MCOLN1: variants seen among roughly 807,000 people sequenced by gnomAD.
MCOLN1 encodes mucolipin TRP cation channel 1.
A neutral mutation model predicts 70.3 loss-of-function variants in MCOLN1; 50 were observed. The observed-to-expected ratio is 0.71, with a 90% CI of 0.57 to 0.90. The LOEUF (loss-of-function observed/expected upper bound fraction) is 0.90. Ranked by LOEUF, MCOLN1 falls within the 40% of genes least tolerant of loss-of-function variation. The probability of loss-of-function intolerance (pLI) is 0.00; values close to 1 mark genes in which losing one functional copy is unlikely to be tolerated. For synonymous variants in MCOLN1, 366 were observed against 341.0 expected (o/e 1.07, Z -0.81); for missense variants, 598 against 803.5 (o/e 0.74, Z 3.09).
In MCOLN1 at chr19:7,526,913, G is replaced by A. The variant is rs773903184; in HGVS notation, c.558G>A (p.Pro186=). The change falls in exon 4 of 14, where the codon CCG becomes CCA. Residue 186 remains proline (P), a synonymous_variant. Coordinates refer to ENST00000264079, the MANE Select transcript of MCOLN1 (RefSeq NM_020533.3). This position sits in a 1 kb window ranked among gnomAD's most constrained non-coding sequence, Gnocchi z 4.6. ...DPANDTFDID[P]MVVTDCIQVD... ...CCAACGACACATTTGACATTGATCC[G>A]ATGGTGGTTACTGGTGAGTGGGCAG... is the stretch of plus-strand genomic sequence containing the variant. The A allele has an allele frequency of 5.0e-6, 8 of 1,613,980 alleles. No individual in the cohort carries two copies. Among genetic ancestry groups the A allele is most frequent in the Non-Finnish European group, 6.8e-6 (8 of 1,180,030 alleles).
At chr19:7,529,315 C>T (rs898033803) in intron 10 of MCOLN1, 113 bp downstream of exon 10, 24 of 1,016,532 alleles carry the variant, frequency 2.4e-5, no homozygotes, top group East Asian at 2.2e-4. Flanking sequence ...TGCAAGCCTC[C>T]TCCTCCTACC....
At chr19:7,532,482 G>T (rs1424726717) in intron 12 of MCOLN1, among the ~76,000 whole-genome samples, 3 of 151,948 alleles carry the variant, frequency 2.0e-5, no homozygotes, top group African/African-American at 7.3e-5. Context: ...CCGAGGGGGG[G>T]TGGGGGTGGA....
At position 7,528,303 on chromosome 19, in the gene MCOLN1, T is replaced by G; in HGVS notation, c.877+46T>G. 1 of 1,548,164 alleles carries G rather than the reference T, an allele frequency of 6.5e-7. No homozygotes were observed. The highest frequency in any genetic ancestry group is 8.9e-7 in the Non-Finnish European group (1 of 1,120,926). On this transcript the variant is annotated intron_variant, in intron 7 of 13. Transcript: ENST00000264079. The surrounding 1 kb of genome is among the most constrained non-coding windows in gnomAD (Gnocchi z 4.2). ...CCAGCACTGACCAGGGGCCCTGGCC[T>G]GTCCTGGGATTCCCCAAGCCCCAGA...
rs1004146951 is a variant in MCOLN1, at chr19:7,528,530, G to A, written c.878-67G>A. On this transcript the variant is annotated intron_variant, in intron 7 of 13. Transcript: ENST00000264079. This position sits in a 1 kb window ranked among gnomAD's most constrained non-coding sequence, Gnocchi z 4.2. ...GCCCCCTAGGTCTCCAGCCTGGCCT[G>A]GCACCAATGCTAGCCTCCCAAGGCT... 1 of 1,603,214 alleles carries A rather than the reference G, an allele frequency of 6.2e-7. No homozygotes were observed. Among genetic ancestry groups the A allele is most frequent in the Non-Finnish European group, 8.5e-7 (1 of 1,173,934 alleles).
chr19:7,532,479 G>C (rs570808363), intron 12 of MCOLN1, among the ~76,000 whole-genome samples: 1 of 152,078 alleles, frequency 6.6e-6, no homozygotes, highest in African/African-American at 2.4e-5. Context: ...AGGCCGAGGG[G>C]GGGTGGGGGT....
intron 10 of MCOLN1, 71 bp from the exon 11 acceptor site, chr19:7,529,519 C>A: frequency 1.5e-6 from 2 of 1,372,590 alleles, no homozygotes; most frequent in Non-Finnish European, 1.0e-6. Flanking sequence ...CCTCCCACCC[C>A]CATCTGGGTG....
rs1330893242 is a variant in MCOLN1, at chr19:7,526,374, G to T, written c.238-65G>T. 6.3e-7 allele frequency: 1 copy of T among 1,595,334 alleles called. No homozygotes were observed. The highest frequency in any genetic ancestry group is 8.6e-7 in the Non-Finnish European group (1 of 1,163,212). Reference sequence around the variant, plus strand: ...CTCCCTGTCCTCTTCCAGGGCCTGTGCCCTGAGGGAGATACACCCCAACCC... The same window carrying T: ...CTCCCTGTCCTCTTCCAGGGCCTGTTCCCTGAGGGAGATACACCCCAACCC... On this transcript the variant is annotated intron_variant, in intron 2 of 13. Coordinates refer to ENST00000264079, the MANE Select transcript of MCOLN1 (RefSeq NM_020533.3). The surrounding 1 kb of genome is among the most constrained non-coding windows in gnomAD (Gnocchi z 4.6).
intron 10 of MCOLN1, 85 bp from the exon 11 acceptor site, chr19:7,529,505 C>CCCCCCCCCCCCCCCCCAGGGGGG: frequency 1.3e-6 from 1 of 755,744 alleles, no homozygotes; most frequent in Non-Finnish European, 2.3e-6. Flanking sequence ...GGCAAGGCCC[C>CCCCCCCCCCCCCCCCCAGGGGGG]GCCCCTCCCA....
In MCOLN1 at chr19:7,529,084, G is replaced by C; in HGVS notation, c.1135-17G>C. On this transcript the variant is annotated splice_polypyrimidine_tract_variant and intron_variant, in intron 9 of 13. Coordinates refer to ENST00000264079, the MANE Select transcript of MCOLN1 (RefSeq NM_020533.3). ...GAAGGGCTGGGCCAGATAGGTTGAC[G>C]CAGCTCCCACCCGCAGAACTTGGCG... 6.2e-7 allele frequency: 1 copy of C among 1,613,638 alleles called. No individual in the cohort carries two copies. Among genetic ancestry groups the C allele is most frequent in the Non-Finnish European group, 8.5e-7 (1 of 1,179,798 alleles).
chr19:7,524,989 CG>C lies in MCOLN1; in HGVS notation c.63del (p.Tyr22MetfsTer29). ...ETERLLTPNP[G>X]YGTQAGPSPA... ...CCGAGCGGCTTCTGACCCCCAACCC[CG>C]GGTATGGGACCCAGGCGGGGCCTTC... is the stretch of plus-strand genomic sequence containing the variant. On this transcript the variant is annotated frameshift_variant, in exon 2 of 14. Transcript: ENST00000264079. LOFTEE classifies it high-confidence loss of function. The surrounding 1 kb of genome is among the most constrained non-coding windows in gnomAD (Gnocchi z 4.1). 2 of 1,613,878 alleles carry C rather than the reference CG, an allele frequency of 1.2e-6. No individual in the cohort carries two copies. The highest frequency in any genetic ancestry group is 1.7e-6 in the Non-Finnish European group (2 of 1,179,986).
rs369176493 is a variant in MCOLN1, at chr19:7,525,145, G to A, written c.216G>A (p.Lys72=). 2.8e-4 allele frequency: 455 copies of A among 1,614,104 alleles called. 1 individual carries two copies. The highest frequency in any genetic ancestry group is 2.1e-3 in the Middle Eastern group (13 of 6,062). The change falls in exon 2 of 14, where the codon AAG becomes AAA. Residue 72 remains lysine, a synonymous_variant. Coordinates refer to ENST00000264079, the MANE Select transcript of MCOLN1 (RefSeq NM_020533.3). The surrounding 1 kb of genome is among the most constrained non-coding windows in gnomAD (Gnocchi z 4.2). ...GCAAGCTGATGCTGCAAGTGGTCAA[G>A]ATCCTGGTGGTCACGGTGCAGGTGA... is the stretch of plus-strand genomic sequence containing the variant. ...KPCKLMLQVV[K]ILVVTVQLIL... is the part of the protein sequence containing the mutation.
At chr19:7,531,428 T>G (rs1037324345) in intron 12 of MCOLN1, among the ~76,000 whole-genome samples, 1 of 152,098 alleles carries the variant, frequency 6.6e-6, no homozygotes, top group African/African-American at 2.4e-5. Context: ...CTCGAACTCC[T>G]GACCTCAGGT....
intron 12 of MCOLN1, among the ~76,000 whole-genome samples, chr19:7,531,303 C>A (rs1193752723): frequency 6.6e-6 from 1 of 151,552 alleles, no homozygotes; most frequent in Admixed American, 6.6e-5. Context: ...TGAGTTGAAG[C>A]GATCCTTGTG....
In MCOLN1 at chr19:7,528,857, G is replaced by A. The variant is rs771026953; in HGVS notation, c.1021G>A (p.Val341Ile). The change falls in exon 9 of 14, where the codon GTC becomes ATC. Residue 341 changes from valine (V) to isoleucine (I), a missense_variant. By Grantham distance (29) the Val-to-Ile change is conservative. Around this residue, in one of 3 missense-constraint regions of MCOLN1, gnomAD observed 461 missense variants for 588.4 expected, o/e 0.78. Transcript: ENST00000264079. This position sits in a 1 kb window ranked among gnomAD's most constrained non-coding sequence, Gnocchi z 4.2. ...VGFMWRQRGR[V>I]ISLWERLEFV... ...GTTCATGTGGCGGCAGCGGGGACGGGTCATCAGCCTGTGGGAGCGGCTGGA... is the reference window on the plus strand; with the variant it reads ...GTTCATGTGGCGGCAGCGGGGACGGATCATCAGCCTGTGGGAGCGGCTGGA... 32 of 1,614,226 alleles carry A rather than the reference G, an allele frequency of 2.0e-5. No homozygotes were observed. The African/African-American group carries it at 3.3e-4, about 17-fold the overall frequency.
In MCOLN1 at chr19:7,529,193, C is replaced by T. The variant is rs1417929030; in HGVS notation, c.1227C>T (p.His409=). 1.2e-6 allele frequency: 2 copies of T among 1,612,622 alleles called. No homozygotes were observed. The highest frequency in any genetic ancestry group is 2.2e-5 in the South Asian group (2 of 91,082). ...TGATCCGCTACCTGACCTTCTTCCA[C>T]AACTACAATGTGAGTTTTGCACATG... is the stretch of plus-strand genomic sequence containing the variant. ...VGVIRYLTFF[H]NYNILIATLR... Residue 409 remains histidine (H), a synonymous_variant, in exon 10 of 14, where the codon CAC becomes CAT. Transcript: ENST00000264079.
Position 7,526,302 on chromosome 19 carries a change from C to A in MCOLN1, c.238-137C>A, listed in dbSNP as rs552395867. 4 of 988,624 alleles carry A rather than the reference C, an allele frequency of 4.0e-6. No homozygotes were observed. The African/African-American group carries it at 6.4e-5, about 16-fold the overall frequency. 61.2% of individuals were successfully genotyped at this position (988,624 alleles called of 1,614,324 possible). On this transcript the variant is annotated intron_variant, in intron 2 of 13. Transcript: ENST00000264079. The surrounding 1 kb of genome is among the most constrained non-coding windows in gnomAD (Gnocchi z 4.6). ...CACAAGTGAAATCCGTGTTTGTGGCCCAAGTTAGCAGGGCCCTGCCCCACC... is the reference window on the plus strand; with the variant it reads ...CACAAGTGAAATCCGTGTTTGTGGCACAAGTTAGCAGGGCCCTGCCCCACC...
Position 7,528,652 on chromosome 19 carries a change from G to A in MCOLN1, c.933G>A (p.Leu311=), listed in dbSNP as rs966716196. 1.2e-6 allele frequency: 2 copies of A among 1,614,210 alleles called. No individual in the cohort carries two copies. Among genetic ancestry groups the A allele is most frequent in the East Asian group, 2.2e-5 (1 of 44,880 alleles). Residue 311 remains leucine (L), a synonymous_variant, in exon 8 of 14, where the codon CTG becomes CTA. Transcript: ENST00000264079. This position sits in a 1 kb window ranked among gnomAD's most constrained non-coding sequence, Gnocchi z 4.2. ...FDVVVILTCS[L]SFLLCARSLL... ...TGGTGGTCATCCTCACCTGCTCCCT[G>A]TCCTTCCTCCTCTGCGCCCGCTCAC...
rs1491091072 is a variant in MCOLN1, at chr19:7,525,500, AAG to A, written c.237+336_237+337del. 7 of 321,488 alleles carry A rather than the reference AAG, an allele frequency of 2.2e-5. No individual in the cohort carries two copies. Among genetic ancestry groups the A allele is most frequent in the South Asian group, 5.1e-5 (2 of 39,286 alleles). 19.9% of individuals were successfully genotyped at this position (321,488 alleles called of 1,614,324 possible). The stretch of plus-strand genomic sequence containing the variant: ...AGAGCAAGACTGTCTCAAAAAAAAA[AAG>A]AAGCCGACTCTGAGGCTCAGAGAGG... On this transcript the variant is annotated intron_variant, in intron 2 of 13. Coordinates refer to ENST00000264079, the MANE Select transcript of MCOLN1 (RefSeq NM_020533.3). This position sits in a 1 kb window ranked among gnomAD's most constrained non-coding sequence, Gnocchi z 4.2.
In MCOLN1 at chr19:7,528,572, C is replaced by T. The variant is rs2022606555; in HGVS notation, c.878-25C>T. On this transcript the variant is annotated intron_variant, in intron 7 of 13. Transcript: ENST00000264079. The surrounding 1 kb of genome is among the most constrained non-coding windows in gnomAD (Gnocchi z 4.2). ...CCCAAGGCTCCATGCCATCCTTGGC[C>T]CTACCCGCTCTGCCCTCCCCGCAGG... 2 of 1,613,708 alleles carry T rather than the reference C, an allele frequency of 1.2e-6. No homozygotes were observed. The highest frequency in any genetic ancestry group is 8.5e-7 in the Non-Finnish European group (1 of 1,180,002).
Sources: gnomAD v4.1 joint callset for allele counts (sites outside exome capture counted in the v4.1 genomes callset) on GRCh38, gnomAD v4.1.1 for gene constraint, gnomAD v4.1.1 regional missense constraint, Gnocchi (gnomAD v3.1) non-coding constraint, MANE v1.5 for transcripts, NCBI Gene and HGNC (gene_info 2026-07-23, HGNC 2026-07-21) for gene names.